ZMPSTE24: variants seen among roughly 807,000 people sequenced by gnomAD.
ZMPSTE24 encodes the protein zinc metallopeptidase STE24, also known as CAAX prenyl protease 1 homolog.
Under a neutral mutation model 56.7 loss-of-function variants are expected in ZMPSTE24, and 48 were observed. The ratio of observed to expected loss-of-function variants is 0.85; its 90% confidence interval spans 0.67 to 1.08. The LOEUF (loss-of-function observed/expected upper bound fraction) is 1.08, where lower values mean the gene tolerates loss of function less well. Among genes scored for constraint, ZMPSTE24 ranks in the 50% least tolerant of loss-of-function variants. ZMPSTE24 has a pLI of 0.00. For synonymous variants in ZMPSTE24, 172 were observed against 195.2 expected, an observed-to-expected ratio of 0.88 and a Z score of 0.99; for missense variants, 503 against 548.7, an observed-to-expected ratio of 0.92 and a Z score of 0.83.
chr1:40,281,245 T>C (rs1305597680), intron 6 of ZMPSTE24, 98 bp from the exon 7 acceptor site: 2 of 1,161,218 alleles, frequency 1.7e-6, no homozygotes, highest in Non-Finnish European at 2.6e-6. Flanking sequence ...GATTTGAAAA[T>C]GTTAATGTCC....
At chr1:40,266,924 A>G (rs1298892528) in intron 2 of ZMPSTE24, among the ~76,000 whole-genome samples, 2 of 151,856 alleles carry the variant, frequency 1.3e-5, no homozygotes, top group Non-Finnish European at 2.9e-5. Context: ...TCATGCCACC[A>G]TAATTGGCTC....
chr1:40,293,530 C>T lies in ZMPSTE24; in HGVS notation c.*861C>T, dbSNP rs924042895. The T allele has an allele frequency of 5.3e-5, 8 of 151,898 alleles. No individual in the cohort carries two copies. The highest frequency in any genetic ancestry group is 5.9e-5 in the Non-Finnish European group (4 of 67,986). The allele number at this position is 151,898 out of a possible 1,614,324, so 9.4% of individuals were successfully genotyped here. ...GTTAAAAGTGGCAGAACAGGAAAGA[C>T]GAATTAAAAATAACATTTTTTAAGC... On this transcript the variant is annotated 3_prime_UTR_variant, in exon 10 of 10. Transcript: ENST00000372759.
chr1:40,280,396 A>C (rs1643716933), intron 6 of ZMPSTE24, among the ~76,000 whole-genome samples: 1 of 152,076 alleles, frequency 6.6e-6, no homozygotes, highest in African/African-American at 2.4e-5. Context: ...TTTTGAACTC[A>C]AAGAAGAAAA....
chr1:40,277,697 G>C (rs1643683940), intron 6 of ZMPSTE24, among the ~76,000 whole-genome samples: 1 of 152,006 alleles, frequency 6.6e-6, no homozygotes, highest in African/African-American at 2.4e-5. Flanking sequence ...AGCCAGGCGT[G>C]GTAGCTCACA....
At chr1:40,286,796 C>T (rs1393653353) in intron 8 of ZMPSTE24, among the ~76,000 whole-genome samples, 12 of 147,764 alleles carry the variant, frequency 8.1e-5, no homozygotes, top group South Asian at 2.1e-4. Flanking sequence ...GGCGTGATCT[C>T]GGCTCACTGC....
chr1:40,291,100 A>G (rs1234726879), intron 9 of ZMPSTE24, 103 bp downstream of exon 9: 2 of 1,446,050 alleles, frequency 1.4e-6, no homozygotes, highest in African/African-American at 2.8e-5. Flanking sequence ...CAGTTTTAAC[A>G]AATAGATGAA....
At position 40,271,925 on chromosome 1, in the gene ZMPSTE24, C is replaced by A; in HGVS notation, c.659C>A (p.Ala220Asp). ...GTCACAATCTATGCTGATTATATTG[C>A]CCCTTTATTTGACAAATTCACACCT... ...VLVTIYADYI[A>D]PLFDKFTPLP... The change falls in exon 6 of 10, where the codon GCC becomes GAC. Residue 220 changes from alanine (A) to aspartate (D), a missense_variant. Physicochemically the swap from Ala to Asp is moderately radical, Grantham distance 126. Coordinates refer to ENST00000372759, the MANE Select transcript of ZMPSTE24 (RefSeq NM_005857.5). 1 of 1,613,536 alleles carries A rather than the reference C, an allele frequency of 6.2e-7. No individual in the cohort carries two copies. Among genetic ancestry groups the A allele is most frequent in the Non-Finnish European group, 8.5e-7 (1 of 1,179,680 alleles).
At chr1:40,268,021 A>C (rs1643573122) in intron 3 of ZMPSTE24, 149 bp downstream of exon 3, 1 of 712,264 alleles carries the variant, frequency 1.4e-6, no homozygotes, top group African/African-American at 1.8e-5. Context: ...TTGGCATAAC[A>C]TTAGTTACAA....
chr1:40,291,858 T>G (rs1284025982), intron 9 of ZMPSTE24, among the ~76,000 whole-genome samples: 1 of 147,946 alleles, frequency 6.8e-6, no homozygotes, highest in East Asian at 2.0e-4. Context: ...TTTTTTTTTT[T>G]AAGATGGAGT....
intron 8 of ZMPSTE24, among the ~76,000 whole-genome samples, chr1:40,290,452 T>A (rs1369676769): frequency 1.5e-5 from 1 of 68,224 alleles, no homozygotes; most frequent in East Asian, 6.6e-4. Context: ...CACTATGAAT[T>A]TTTTTTTTTT....
intron 1 of ZMPSTE24, among the ~76,000 whole-genome samples, chr1:40,260,475 A>G: frequency 6.6e-6 from 1 of 152,198 alleles, no homozygotes; most frequent in East Asian, 1.9e-4. Flanking sequence ...ACTCACAGTT[A>G]GCATGTGTGC....
chr1:40,262,819 C>G (rs1260782132), intron 2 of ZMPSTE24: 1 of 1,180,650 alleles, frequency 8.5e-7, no homozygotes, highest in Non-Finnish European at 1.1e-6. Context: ...GACATTTCCC[C>G]TTCTGTTTCA....
intron 6 of ZMPSTE24, among the ~76,000 whole-genome samples, chr1:40,274,067 G>A (rs915012200): frequency 1.4e-4 from 22 of 152,140 alleles, no homozygotes; most frequent in Non-Finnish European, 2.2e-4. Context: ...CAGGCTTCAG[G>A]GTCAAAAGGC....
intron 2 of ZMPSTE24, among the ~76,000 whole-genome samples, chr1:40,265,193 G>A (rs1438266781): frequency 6.6e-6 from 1 of 152,140 alleles, no homozygotes; most frequent in Non-Finnish European, 1.5e-5. Context: ...AATAGTTGCT[G>A]TGGCCTTTAC....
chr1:40,276,405 C>T (rs940337079), intron 6 of ZMPSTE24, among the ~76,000 whole-genome samples: 1 of 151,940 alleles, frequency 6.6e-6, no homozygotes, highest in African/African-American at 2.4e-5. Context: ...GAGGAGAGGC[C>T]CTTGAGGTAG....
intron 6 of ZMPSTE24, among the ~76,000 whole-genome samples, chr1:40,279,056 G>A (rs985118150): frequency 6.6e-6 from 1 of 152,186 alleles, no homozygotes; most frequent in Non-Finnish European, 1.5e-5. Flanking sequence ...CAGGAGGATT[G>A]ATTGAGCTCA....
In ZMPSTE24 at chr1:40,267,844, G is replaced by T; in HGVS notation, c.329G>T (p.Gly110Val). 1 of 1,613,788 alleles carries T rather than the reference G, an allele frequency of 6.2e-7. No individual in the cohort carries two copies. The highest frequency in any genetic ancestry group is 8.5e-7 in the Non-Finnish European group (1 of 1,179,758). The change falls in exon 3 of 10, where the codon GGT becomes GTT. Residue 110 changes from glycine (G) to valine (V), a missense_variant. Coordinates refer to ENST00000372759, the MANE Select transcript of ZMPSTE24 (RefSeq NM_005857.5). ...TGGAGACTTTCTGGACGGTTCTGTG[G>T]TTATGCTGGCTTTGGACCAGAATAT... ...YLWRLSGRFC[G>V]YAGFGPEYEI... is the part of the protein sequence containing the mutation.
rs751343295 is a variant in ZMPSTE24, at chr1:40,290,984, C to T, written c.1190C>T (p.Ser397Leu). 2 of 1,613,866 alleles carry T rather than the reference C, an allele frequency of 1.2e-6. No individual in the cohort carries two copies. The highest frequency in any genetic ancestry group is 1.1e-5 in the South Asian group (1 of 91,056). ...TTGATCATCTTCCAGTTTATTTTTT[C>T]ACCTTACAATGAGGTAATGTATGAT... ...GLLIIFQFIFSPYNEVLSFCL... is the reference protein window; with the variant it reads ...GLLIIFQFIFLPYNEVLSFCL... Residue 397 changes from serine to leucine, a missense_variant, in exon 9 of 10, where the codon TCA (serine) becomes TTA (leucine). By Grantham distance (145) the Ser-to-Leu change is moderately radical. Transcript: ENST00000372759.
At chr1:40,279,296 C>G (rs543023530) in intron 6 of ZMPSTE24, among the ~76,000 whole-genome samples, 6 of 152,188 alleles carry the variant, frequency 3.9e-5, no homozygotes, top group South Asian at 4.2e-4. Context: ...TGGTATGTTT[C>G]CTAATAGGCA....
Sources: allele counts gnomAD v4.1 joint callset (sites outside exome capture counted in the v4.1 genomes callset), GRCh38; gene constraint gnomAD v4.1.1; transcripts MANE v1.5; gene names NCBI Gene and HGNC (gene_info 2026-07-23, HGNC 2026-07-21).